ANKRD33B: variants seen among roughly 807,000 people sequenced by gnomAD.
ANKRD33B encodes ankyrin repeat domain-containing protein 33B.
ANKRD33B carries 6 observed loss-of-function variants against 21.5 expected under a neutral mutation model. The ratio of observed to expected loss-of-function variants is 0.28; its 90% CI spans 0.15 to 0.55. The LOEUF (loss-of-function observed/expected upper bound fraction) is 0.55. Ranked by LOEUF, ANKRD33B falls within the 20% of genes least tolerant of loss-of-function variation. The pLI is 0.94. For synonymous variants in ANKRD33B, 347 were observed against 342.4 expected (o/e 1.01, Z -0.15); for missense variants, 698 against 747.2 (o/e 0.93, Z 0.77).
At chr5:10,617,585 A>C (rs1579737713) in intron 1 of ANKRD33B, among the ~76,000 whole-genome samples, 4 of 150,942 alleles carry the variant, frequency 2.7e-5, no homozygotes, top group Non-Finnish European at 3.0e-5. Context: ...CCCTTCCTCC[A>C]CCCCATTCTT....
intron 1 of ANKRD33B, among the ~76,000 whole-genome samples, chr5:10,592,709 A>C (rs1735723831): frequency 6.6e-6 from 1 of 151,886 alleles, no homozygotes; most frequent in Non-Finnish European, 1.5e-5. Flanking sequence ...CTTCTTGGCC[A>C]CCTGTCTGCT....
At chr5:10,595,040 ATGT>A (rs1393391224) in intron 1 of ANKRD33B, among the ~76,000 whole-genome samples, 6 of 152,254 alleles carry the variant, frequency 3.9e-5, no homozygotes, top group South Asian at 2.1e-4. Flanking sequence ...GCAGGAGCAG[ATGT>A]TGTTAAGCAG....
intron 1 of ANKRD33B, among the ~76,000 whole-genome samples, chr5:10,568,050 G>A (rs1735097975): frequency 6.6e-6 from 1 of 152,190 alleles, no homozygotes; most frequent in Non-Finnish European, 1.5e-5. Context: ...ATTCCATTTG[G>A]TCTGGGTAAC....
chr5:10,568,501 C>G (rs2126542165), intron 1 of ANKRD33B, among the ~76,000 whole-genome samples: 1 of 152,348 alleles, frequency 6.6e-6, no homozygotes, highest in East Asian at 1.9e-4. Context: ...ATTTAAAATA[C>G]TGCACTCCTG....
chr5:10,619,084 A>AT lies in ANKRD33B; in HGVS notation c.496+629dup, dbSNP rs888069600. ...TCCTGCTTTGGAACTGTATCCAGAC[A>AT]TTTTTTTGAGGACAGACATGAAACC... is the stretch of plus-strand genomic sequence containing the variant. On this transcript the variant is annotated intron_variant, in intron 2 of 3. Coordinates refer to ENST00000296657, the MANE Select transcript of ANKRD33B (RefSeq NM_001164440.2). This position sits in a 1 kb window ranked among gnomAD's most constrained non-coding sequence, Gnocchi z 4.5. 1.3e-5 allele frequency among the ~76,000 whole-genome samples: 2 copies of AT among 152,078 alleles called. No homozygotes were observed. The highest frequency in any genetic ancestry group is 6.5e-5 in the Admixed American group (1 of 15,274).
intron 1 of ANKRD33B, among the ~76,000 whole-genome samples, chr5:10,603,622 GA>G (rs979066526): frequency 2.0e-5 from 3 of 152,116 alleles, no homozygotes; most frequent in African/African-American, 7.2e-5. Flanking sequence ...TCATTGTAGG[GA>G]AAAATGAGAC....
Position 10,597,064 on chromosome 5 carries a change from GA to G in ANKRD33B, c.367-21262del, listed in dbSNP as rs1021380969. On this transcript the variant is annotated intron_variant, in intron 1 of 3. Transcript: ENST00000296657. ...TGAAGGTAGCACTAAATATGGAAAGGAAAAAAACACTCCCAGCCACAACACA... is the reference window on the plus strand; with the variant it reads ...TGAAGGTAGCACTAAATATGGAAAGGAAAAAACACTCCCAGCCACAACACA... 8.1e-4 allele frequency among the ~76,000 whole-genome samples: 123 copies of G among 151,886 alleles called. 1 individual carries two copies. Among genetic ancestry groups the G allele is most frequent in the African/African-American group, 2.8e-3 (117 of 41,424 alleles).
At chr5:10,583,626 T>A (rs763752213) in intron 1 of ANKRD33B, among the ~76,000 whole-genome samples, 3 of 152,184 alleles carry the variant, frequency 2.0e-5, no homozygotes, top group Non-Finnish European at 4.4e-5. Flanking sequence ...AGTGCCTTCT[T>A]ACCTGGAAGG....
chr5:10,641,652 A>G (rs766988732), intron 3 of ANKRD33B, among the ~76,000 whole-genome samples: 3 of 152,054 alleles, frequency 2.0e-5, no homozygotes, highest in Admixed American at 6.6e-5. Context: ...CTCGAGATCA[A>G]TCTGGAGTTA....
At chr5:10,587,532 T>G (rs1735592093) in intron 1 of ANKRD33B, among the ~76,000 whole-genome samples, 1 of 151,804 alleles carries the variant, frequency 6.6e-6, no homozygotes, top group African/African-American at 2.4e-5. Context: ...AGGTATTTTA[T>G]TATTCTTCTG....
At chr5:10,615,230 A>G (rs1239476403) in intron 1 of ANKRD33B, among the ~76,000 whole-genome samples, 1 of 152,244 alleles carries the variant, frequency 6.6e-6, no homozygotes, top group Non-Finnish European at 1.5e-5. Flanking sequence ...GGCAGATGCC[A>G]TCTGGGACCT....
At chr5:10,588,213 T>C (rs139808307) in intron 1 of ANKRD33B, among the ~76,000 whole-genome samples, 4 of 152,378 alleles carry the variant, frequency 2.6e-5, no homozygotes, top group African/African-American at 7.2e-5. Context: ...GGCATACTTA[T>C]GTATTTGAGG....
At chr5:10,566,909 G>A (rs148927016) in intron 1 of ANKRD33B, among the ~76,000 whole-genome samples, 21 of 152,352 alleles carry the variant, frequency 1.4e-4, no homozygotes, top group African/African-American at 4.8e-4. Flanking sequence ...GTTTACCATC[G>A]TGTTTCTCAT....
intron 2 of ANKRD33B, among the ~76,000 whole-genome samples, chr5:10,637,427 C>G (rs186758905): frequency 1.5e-4 from 11 of 74,944 alleles, no homozygotes; most frequent in African/African-American, 4.4e-4. Flanking sequence ...GGTAGTTAGA[C>G]ACACACACAC....
intron 1 of ANKRD33B, among the ~76,000 whole-genome samples, chr5:10,571,714 T>C (rs1336683627): frequency 1.3e-5 from 2 of 151,830 alleles, no homozygotes; most frequent in East Asian, 3.9e-4. Flanking sequence ...TTGAAAAAAA[T>C]GTGAGTCCAG....
chr5:10,640,404 A>G (rs1015712849), intron 3 of ANKRD33B, among the ~76,000 whole-genome samples: 5 of 152,032 alleles, frequency 3.3e-5, no homozygotes, highest in Non-Finnish European at 5.9e-5. Flanking sequence ...TACTTTATAC[A>G]CTCCTAGAGG....
chr5:10,579,199 T>C (rs1735386487), intron 1 of ANKRD33B, among the ~76,000 whole-genome samples: 1 of 151,574 alleles, frequency 6.6e-6, no homozygotes, highest in Non-Finnish European at 1.5e-5. Context: ...TCTCCTTTTT[T>C]TTTTAATTCC....
intron 3 of ANKRD33B, among the ~76,000 whole-genome samples, chr5:10,648,740 CAA>C (rs1331701511): frequency 1.3e-5 from 2 of 152,078 alleles, no homozygotes; most frequent in Non-Finnish European, 2.9e-5. Context: ...GCCTGGGCAA[CAA>C]GAGTGAAATT....
rs1737391371 is a variant in ANKRD33B, at chr5:10,652,847, G to C, written c.*2734G>C. Reference sequence around the variant, plus strand: ...TCCTGGTGTCCACAAAACAGCTCTAGAGATACCTGCATTTTGAAAAGCCTG... The same window carrying C: ...TCCTGGTGTCCACAAAACAGCTCTACAGATACCTGCATTTTGAAAAGCCTG... On this transcript the variant is annotated 3_prime_UTR_variant, in exon 4 of 4. Transcript: ENST00000296657. This position sits in a 1 kb window ranked among gnomAD's most constrained non-coding sequence, Gnocchi z 4.1. 1 of 282,178 alleles carries C rather than the reference G, an allele frequency of 3.5e-6. No homozygotes were observed. Among genetic ancestry groups the C allele is most frequent in the Non-Finnish European group, 7.3e-6 (1 of 136,366 alleles). The allele number at this position is 282,178 out of a possible 1,614,324, so 17.5% of individuals were successfully genotyped here. A position where few individuals can be genotyped will look rare whatever the true frequency, so the allele number is the denominator to read the frequency against.
Sources: allele counts gnomAD v4.1 joint callset (sites outside exome capture counted in the v4.1 genomes callset), GRCh38; gene constraint gnomAD v4.1.1; non-coding constraint Gnocchi (gnomAD v3.1); transcripts MANE v1.5; gene names NCBI Gene and HGNC (gene_info 2026-07-23, HGNC 2026-07-21).